Variants in PTPRD observed in about 807,000 individuals in gnomAD.
PTPRD encodes the protein receptor-type tyrosine-protein phosphatase delta.
PTPRD carries 34 observed loss-of-function variants against 214.5 expected under a neutral mutation model. The ratio of observed to expected loss-of-function variants is 0.16; its 90% CI spans 0.12 to 0.21. PTPRD has a LOEUF of 0.21. Among genes scored for constraint, PTPRD ranks in the 10% least tolerant of loss-of-function variants. The pLI is 1.00. For synonymous variants in PTPRD, 1,128 were observed against 845.7 expected, an observed-to-expected ratio of 1.33 and a Z score of -5.79; for missense variants, 2,545 against 2,398.7, an observed-to-expected ratio of 1.06 and a Z score of -1.27.
At chr9:10,436,198 G>A (rs1003886179) in intron 2 of PTPRD, among the ~76,000 whole-genome samples, 2 of 151,798 alleles carry the variant, frequency 1.3e-5, no homozygotes, top group Non-Finnish European at 2.9e-5. Context: ...TGAAAAGACA[G>A]TGTTTACAAT....
intron 10 of PTPRD, among the ~76,000 whole-genome samples, chr9:9,141,966 G>A (rs541478157): frequency 2.0e-5 from 3 of 152,302 alleles, no homozygotes; most frequent in East Asian, 1.9e-4. Context: ...ATGCCTGCAA[G>A]GCATGTGGTT....
chr9:9,920,315 G>A (rs906432787), intron 5 of PTPRD, among the ~76,000 whole-genome samples: 3 of 152,074 alleles, frequency 2.0e-5, no homozygotes, highest in Admixed American at 1.3e-4. Flanking sequence ...CTGTGCTATA[G>A]CCATTTAAAG....
rs189382238 is a variant in PTPRD at position 10,470,918 on chromosome 9, A to G, written c.-599-129901T>C. Reference sequence around the variant, plus strand: ...ACCAACCAAATGCCCATCAATGAGAAACTGGATAAAGAAAATGTGGCACAT... The same window carrying G: ...ACCAACCAAATGCCCATCAATGAGAGACTGGATAAAGAAAATGTGGCACAT... On this transcript the variant is annotated intron_variant, in intron 2 of 45. Coordinates refer to ENST00000381196, the MANE Select transcript of PTPRD (RefSeq NM_002839.4). 2.4e-4 allele frequency among the ~76,000 whole-genome samples: 36 copies of G among 152,240 alleles called. No individual in the cohort carries two copies. The East Asian group carries it at 6.8e-3, about 29-fold the overall frequency.
At chr9:8,908,415 T>A (rs2098723205) in intron 11 of PTPRD, among the ~76,000 whole-genome samples, 2 of 151,938 alleles carry the variant, frequency 1.3e-5, no homozygotes, top group Non-Finnish European at 2.9e-5. Context: ...TTATTATAAT[T>A]AAATAAGAAA....
intron 11 of PTPRD, among the ~76,000 whole-genome samples, chr9:8,905,830 A>G (rs1246667091): frequency 1.3e-5 from 2 of 152,008 alleles, no homozygotes; most frequent in African/African-American, 2.4e-5. Flanking sequence ...TTGACACAGG[A>G]TATTTCCCAA....
intron 14 of PTPRD, among the ~76,000 whole-genome samples, chr9:8,569,456 ACT>A (rs1400832645): frequency 3.9e-5 from 6 of 152,038 alleles, no homozygotes; most frequent in African/African-American, 1.2e-4. Flanking sequence ...CCTCAGAAGA[ACT>A]CTTTCTCTTT....
At chr9:9,969,651 A>T (rs886983069) in intron 4 of PTPRD, among the ~76,000 whole-genome samples, 6 of 152,188 alleles carry the variant, frequency 3.9e-5, no homozygotes, top group African/African-American at 1.4e-4. Flanking sequence ...TGGCTCATTA[A>T]ATCTGCTCCT....
chr9:9,575,504 A>C (rs2088205105), intron 7 of PTPRD, among the ~76,000 whole-genome samples: 1 of 151,702 alleles, frequency 6.6e-6, no homozygotes, highest in Admixed American at 6.6e-5. Flanking sequence ...GTAGATCACA[A>C]GGTCAGGAGT....
chr9:10,263,391 G>C (rs2093826143), intron 3 of PTPRD, among the ~76,000 whole-genome samples: 1 of 152,142 alleles, frequency 6.6e-6, no homozygotes, highest in Admixed American at 6.6e-5. Flanking sequence ...ATTTCCTAGA[G>C]ACTTGTTGGA....
At chr9:8,808,128 G>T (rs921463544) in intron 11 of PTPRD, among the ~76,000 whole-genome samples, 1 of 152,088 alleles carries the variant, frequency 6.6e-6, no homozygotes, top group African/African-American at 2.4e-5. Flanking sequence ...ATCGTGTTTT[G>T]TCTTTTTCTT....
chr9:9,005,330 T>C (rs532778888), intron 11 of PTPRD, among the ~76,000 whole-genome samples: 85 of 152,206 alleles, frequency 5.6e-4, no homozygotes, highest in Middle Eastern at 3.4e-3. Flanking sequence ...TGCCTGAATG[T>C]TGTGAAAACA....
chr9:8,610,743 T>C (rs2095418778), intron 14 of PTPRD, among the ~76,000 whole-genome samples: 1 of 152,238 alleles, frequency 6.6e-6, no homozygotes, highest in South Asian at 2.1e-4. Flanking sequence ...TCATCCAGTC[T>C]AGTTCTGCTG....
chr9:9,782,816 G>C (rs1159615572), intron 5 of PTPRD, among the ~76,000 whole-genome samples: 1 of 152,142 alleles, frequency 6.6e-6, no homozygotes, highest in Non-Finnish European at 1.5e-5. Context: ...TGAATACTCA[G>C]GAAACCCACA....
At chr9:8,666,928 A>C (rs1486244038) in intron 12 of PTPRD, among the ~76,000 whole-genome samples, 1 of 151,772 alleles carries the variant, frequency 6.6e-6, no homozygotes, top group Admixed American at 6.5e-5. Flanking sequence ...TCTTGTGTAC[A>C]TACATTATCT....
At chr9:9,223,746 A>C (rs953854187) in intron 9 of PTPRD, among the ~76,000 whole-genome samples, 11 of 151,998 alleles carry the variant, frequency 7.2e-5, no homozygotes, top group African/African-American at 2.7e-4. Flanking sequence ...AATGCAAATC[A>C]AATGCACGTG....
chr9:8,746,179 T>A (rs2154452462), intron 11 of PTPRD, among the ~76,000 whole-genome samples: 1 of 152,288 alleles, frequency 6.6e-6, no homozygotes, highest in South Asian at 2.1e-4. Flanking sequence ...GGTTAGATTC[T>A]GAATTCACAG....
At chr9:9,659,970 G>C (rs943508853) in intron 7 of PTPRD, among the ~76,000 whole-genome samples, 1 of 151,918 alleles carries the variant, frequency 6.6e-6, no homozygotes, top group East Asian at 1.9e-4. Flanking sequence ...ACTCTCTTCT[G>C]GGCTGTAAAT....
At chr9:10,185,746 T>A (rs1275097332) in intron 3 of PTPRD, among the ~76,000 whole-genome samples, 1 of 152,162 alleles carries the variant, frequency 6.6e-6, no homozygotes, top group Non-Finnish European at 1.5e-5. Flanking sequence ...CAGCGGTTTT[T>A]TTTTTCCCTG....
At chr9:9,955,531 T>G (rs10816264) in intron 4 of PTPRD, among the ~76,000 whole-genome samples, 64,401 of 133,860 alleles carry the variant, frequency 0.48, 15,780 homozygotes, top group East Asian at 0.78. Context: ...GTTTTGTTTT[T>G]TTTTTTTTTT....
Sources: allele counts gnomAD v4.1 joint callset (sites outside exome capture counted in the v4.1 genomes callset), GRCh38; gene constraint gnomAD v4.1.1; transcripts MANE v1.5; gene names NCBI Gene and HGNC (gene_info 2026-07-23, HGNC 2026-07-21).